Variants in PTPRN2 observed in about 807,000 individuals in gnomAD.
The protein encoded by PTPRN2 is receptor-type tyrosine-protein phosphatase N2.
A neutral mutation model predicts 118.8 loss-of-function variants in PTPRN2; 74 were observed. The ratio of observed to expected loss-of-function variants is 0.62; its 90% CI spans 0.52 to 0.76. PTPRN2 has a LOEUF of 0.76. Among genes scored for constraint, PTPRN2 ranks in the 30% least tolerant of loss-of-function variants. PTPRN2 has a pLI of 0.00. For synonymous variants in PTPRN2, 641 were observed against 608.0 expected (o/e 1.05, Z -0.80); for missense variants, 1,481 against 1,394.4 (o/e 1.06, Z -0.99).
At chr7:158,067,150 G>T (rs554300773) in intron 11 of PTPRN2, among the ~76,000 whole-genome samples, 3 of 152,230 alleles carry the variant, frequency 2.0e-5, no homozygotes, top group Non-Finnish European at 4.4e-5. Flanking sequence ...GATGGGTGGA[G>T]GGCAAGGGAA....
At position 157,779,227 on chromosome 7, in the gene PTPRN2, C is replaced by T. The variant is rs1228092610; in HGVS notation, c.1789-96290G>A. On this transcript the variant is annotated intron_variant, in intron 12 of 22. Coordinates refer to ENST00000389418, the MANE Select transcript of PTPRN2 (RefSeq NM_002847.5). This position sits in a 1 kb window ranked among gnomAD's most constrained non-coding sequence, Gnocchi z 4.7. Reference sequence around the variant, plus strand: ...TCCTGGAGGAGGGCTGCCTCCTTGCCATGGGAGCCCCGCCCTGGCTGCCAG... The same window carrying T: ...TCCTGGAGGAGGGCTGCCTCCTTGCTATGGGAGCCCCGCCCTGGCTGCCAG... Among the ~76,000 whole-genome samples, 6 of 152,184 alleles carry T rather than the reference C, an allele frequency of 3.9e-5. No individual in the cohort carries two copies. The highest frequency in any genetic ancestry group is 1.4e-4 in the African/African-American group (6 of 41,454).
chr7:157,789,191 C>T (rs781573497), intron 12 of PTPRN2, among the ~76,000 whole-genome samples: 2 of 152,212 alleles, frequency 1.3e-5, no homozygotes, highest in Non-Finnish European at 2.9e-5. Flanking sequence ...CAGATGCTTC[C>T]GGGATGAATT....
At chr7:157,645,510 A>C (rs940604828) in intron 14 of PTPRN2, among the ~76,000 whole-genome samples, 6 of 152,110 alleles carry the variant, frequency 3.9e-5, no homozygotes, top group African/African-American at 1.4e-4. Context: ...GCTTCTAAAA[A>C]CTCACATTTC....
intron 11 of PTPRN2, among the ~76,000 whole-genome samples, chr7:158,012,228 G>T (rs1268394523): frequency 2.6e-5 from 4 of 152,158 alleles, no homozygotes; most frequent in African/African-American, 9.7e-5. Flanking sequence ...AAAACAATCT[G>T]CTCAGTGAGT....
At chr7:157,576,253 A>G (rs1461660217) in intron 19 of PTPRN2, among the ~76,000 whole-genome samples, 2 of 152,182 alleles carry the variant, frequency 1.3e-5, no homozygotes, top group East Asian at 3.8e-4. Flanking sequence ...CTTTCATCCC[A>G]TGCAGCCAGA....
intron 3 of PTPRN2, among the ~76,000 whole-genome samples, chr7:158,226,673 CTTTT>C (rs757950532): frequency 2.8e-5 from 3 of 106,374 alleles, no homozygotes; most frequent in East Asian, 5.8e-4. Flanking sequence ...CAGCGCTTCC[CTTTT>C]TTTTTTTTTT....
intron 3 of PTPRN2, among the ~76,000 whole-genome samples, chr7:158,268,246 G>C (rs115441905): frequency 6.6e-6 from 1 of 151,540 alleles, no homozygotes; most frequent in African/African-American, 2.4e-5. Flanking sequence ...TATCCCAGCC[G>C]CACACACACA....
At chr7:158,113,515 GCTGGAGACCCCAGGCATT>G (rs1239640095) in intron 9 of PTPRN2, among the ~76,000 whole-genome samples, 4 of 152,138 alleles carry the variant, frequency 2.6e-5, no homozygotes, top group Non-Finnish European at 5.9e-5. Context: ...TGGCACCAGG[GCTGGAGACCCCAGGCATT>G]CTCTATCCAT....
chr7:157,656,422 C>A lies in PTPRN2; in HGVS notation c.2131G>T (p.Ala711Ser), dbSNP rs150156180. The A allele has an allele frequency of 6.4e-7, 1 of 1,553,276 alleles. No individual in the cohort carries two copies. The highest frequency in any genetic ancestry group is 1.2e-5 in the South Asian group (1 of 84,234). Residue 711 changes from alanine (A) to serine (S), a missense_variant, in exon 14 of 23, where the codon GCC (alanine) becomes TCC (serine). Ala to Ser is a moderately conservative substitution (Grantham distance 99). Transcript: ENST00000389418. ...ACAGGCTCCTCGGACCAGGATGAGG[C>A]GCTGCTGCGTGCGGAGGGGCTGGGG... is the stretch of plus-strand genomic sequence containing the variant. ...PIPSPSARSS[A>S]SSWSEEPVQS...
At position 158,151,059 on chromosome 7, in the gene PTPRN2, G is replaced by A. The variant is rs867477148; in HGVS notation, c.911-12544C>T. 1.4e-3 allele frequency among the ~76,000 whole-genome samples: 164 copies of A among 117,032 alleles called. 1 individual carries two copies. The highest frequency in any genetic ancestry group is 4.1e-3 in the Middle Eastern group (1 of 242). 76.8% of individuals were successfully genotyped at this position (117,032 alleles called of 152,430 possible). Reference sequence around the variant, plus strand: ...TGTCCTGCCCCTGCCTGCCCACACTGCCCGCCTTTCCACTCTTGCCCCTGC... The same window carrying A: ...TGTCCTGCCCCTGCCTGCCCACACTACCCGCCTTTCCACTCTTGCCCCTGC... On this transcript the variant is annotated intron_variant, in intron 6 of 22. Transcript: ENST00000389418.
At chr7:158,423,539 AT>A (rs11419691) in intron 2 of PTPRN2, among the ~76,000 whole-genome samples, 3,551 of 148,080 alleles carry the variant, frequency 0.024, 123 homozygotes, top group African/African-American at 0.082. Flanking sequence ...CTGGTTCCTC[AT>A]TTTTTTTTTT....
At chr7:158,050,801 G>T (rs1809267842) in intron 11 of PTPRN2, among the ~76,000 whole-genome samples, 2 of 152,350 alleles carry the variant, frequency 1.3e-5, no homozygotes, top group South Asian at 2.1e-4. Context: ...AATAAGTCCT[G>T]TTCCTTCCTC....
rs1013094580 is a variant in PTPRN2, at chr7:157,787,877, C to T, written c.1789-104940G>A. 2.0e-5 allele frequency among the ~76,000 whole-genome samples: 3 copies of T among 152,162 alleles called. No homozygotes were observed. Among genetic ancestry groups the T allele is most frequent in the Non-Finnish European group, 4.4e-5 (3 of 68,018 alleles). Reference sequence around the variant, plus strand: ...CATCTCCCTCACACCTCTGCACCCCCAGTGGATAAAAGCTGCTGGCAACAT... The same window carrying T: ...CATCTCCCTCACACCTCTGCACCCCTAGTGGATAAAAGCTGCTGGCAACAT... On this transcript the variant is annotated intron_variant, in intron 12 of 22. Transcript: ENST00000389418. This position sits in a 1 kb window ranked among gnomAD's most constrained non-coding sequence, Gnocchi z 5.3.
intron 12 of PTPRN2, among the ~76,000 whole-genome samples, chr7:157,782,067 G>A (rs528614081): frequency 9.2e-5 from 14 of 152,210 alleles, no homozygotes; most frequent in Non-Finnish European, 1.8e-4. Context: ...CTCTTTCACT[G>A]TCCCTAGGGA....
intron 2 of PTPRN2, among the ~76,000 whole-genome samples, chr7:158,441,427 G>A (rs1161090473): frequency 1.3e-5 from 2 of 148,528 alleles, no homozygotes; most frequent in Non-Finnish European, 3.0e-5. Flanking sequence ...GATGGTGATA[G>A]TGATGGTGAT....
intron 6 of PTPRN2, among the ~76,000 whole-genome samples, chr7:158,159,245 C>T (rs967105904): frequency 5.3e-5 from 8 of 152,368 alleles, no homozygotes; most frequent in African/African-American, 1.4e-4. Flanking sequence ...CCACGCGAAG[C>T]GTTGCATGGC....
chr7:158,085,117 G>C (rs1216246546), intron 10 of PTPRN2, among the ~76,000 whole-genome samples: 2 of 118,374 alleles, frequency 1.7e-5, no homozygotes, highest in Non-Finnish European at 3.4e-5. Context: ...CCACACCCAT[G>C]ACGCCCATCC....
At chr7:158,424,520 A>G (rs1291248913) in intron 2 of PTPRN2, among the ~76,000 whole-genome samples, 1 of 152,218 alleles carries the variant, frequency 6.6e-6, no homozygotes, top group Non-Finnish European at 1.5e-5. Context: ...CGATTCCTCT[A>G]TTAACCTGTC....
intron 2 of PTPRN2, among the ~76,000 whole-genome samples, chr7:158,318,804 G>A (rs545289987): frequency 9.9e-5 from 15 of 152,222 alleles, no homozygotes; most frequent in South Asian, 6.2e-4. Context: ...TGGCTGGTCC[G>A]GGCCCCACTC....
Sources: gnomAD v4.1 joint callset for allele counts (sites outside exome capture counted in the v4.1 genomes callset) on GRCh38, gnomAD v4.1.1 for gene constraint, Gnocchi (gnomAD v3.1) non-coding constraint, MANE v1.5 for transcripts, NCBI Gene and HGNC (gene_info 2026-07-23, HGNC 2026-07-21) for gene names.